The following RBFOX1 variants were observed in gnomAD, a reference collection of about 807,000 sequenced individuals.
RBFOX1 encodes RNA binding protein fox-1 homolog 1.
Under a neutral mutation model 57.7 loss-of-function variants are expected in RBFOX1, and 8 were observed. That is an observed-to-expected ratio of 0.14 (90% CI 0.08 to 0.25). The LOEUF (loss-of-function observed/expected upper bound fraction) is 0.25, where lower values mean the gene tolerates loss of function less well. Among genes scored for constraint, RBFOX1 ranks in the 10% least tolerant of loss-of-function variants. The pLI, the probability that RBFOX1 is intolerant of heterozygous loss-of-function variation, is 1.00. For missense variants in RBFOX1, 611 were observed against 548.5 expected (o/e 1.11, Z -1.14); for synonymous variants, 326 against 222.4 (o/e 1.47, Z -4.15).
intron 1 of RBFOX1, among the ~76,000 whole-genome samples, chr16:6,060,514 A>G (rs2095671548): frequency 6.6e-6 from 1 of 152,096 alleles, no homozygotes; most frequent in South Asian, 2.1e-4. Context: ...TTGACCTTTC[A>G]CAGAGTGTAT....
At chr16:6,781,778 C>T (rs1032471435) in intron 3 of RBFOX1, among the ~76,000 whole-genome samples, 2 of 151,990 alleles carry the variant, frequency 1.3e-5, no homozygotes, top group Admixed American at 1.3e-4. Flanking sequence ...ATTTTCTTAG[C>T]TCTGATTTCA....
At chr16:7,526,991 C>G (rs1361155633) in intron 5 of RBFOX1, among the ~76,000 whole-genome samples, 5 of 152,210 alleles carry the variant, frequency 3.3e-5, no homozygotes, top group African/African-American at 1.2e-4. Context: ...AGGAATTACT[C>G]ATTTCACCCT....
At chr16:5,919,535 G>A (rs889372978) in intron 4 of RBFOX1, among the ~76,000 whole-genome samples, 10 of 152,034 alleles carry the variant, frequency 6.6e-5, no homozygotes, top group African/African-American at 2.4e-4. Flanking sequence ...GTAGAGACGG[G>A]GTTTCCCCAT....
intron 4 of RBFOX1, among the ~76,000 whole-genome samples, chr16:5,902,813 A>G (rs1201088773): frequency 6.6e-6 from 1 of 151,942 alleles, no homozygotes; most frequent in Non-Finnish European, 1.5e-5. Context: ...TGTAGTTGCC[A>G]CTCTTTAAAC....
intron 14 of RBFOX1, among the ~76,000 whole-genome samples, chr16:7,699,064 C>T (rs903123610): frequency 3.9e-5 from 6 of 152,166 alleles, no homozygotes; most frequent in African/African-American, 1.4e-4. Context: ...GTCGCCTTCC[C>T]CTGCCCCTGA....
At chr16:6,382,192 C>T (rs188441214) in intron 2 of RBFOX1, among the ~76,000 whole-genome samples, 1 of 152,316 alleles carries the variant, frequency 6.6e-6, no homozygotes, top group Admixed American at 6.5e-5. Context: ...TTTTCCCCAA[C>T]CATTTAAAAT....
At chr16:5,403,406 A>G (rs1339687469) in intron 1 of RBFOX1, among the ~76,000 whole-genome samples, 1 of 151,392 alleles carries the variant, frequency 6.6e-6, no homozygotes, top group Non-Finnish European at 1.5e-5. Context: ...AACCCTTGCT[A>G]TATGTAATGC....
chr16:6,566,044 A>G (rs1321187661), intron 2 of RBFOX1, among the ~76,000 whole-genome samples: 1 of 152,174 alleles, frequency 6.6e-6, no homozygotes, highest in African/African-American at 2.4e-5. Context: ...GATTACCAGG[A>G]CAGAGAACAA....
chr16:7,012,497 A>G (rs900468752), intron 3 of RBFOX1, among the ~76,000 whole-genome samples: 1 of 152,196 alleles, frequency 6.6e-6, no homozygotes, highest in South Asian at 2.1e-4. Context: ...CCATGTTAAT[A>G]ACTGCCTGGA....
chr16:5,286,994 TA>T (rs1208465853), intron 1 of RBFOX1, among the ~76,000 whole-genome samples: 1 of 152,200 alleles, frequency 6.6e-6, no homozygotes, highest in African/African-American at 2.4e-5. Context: ...GCTGTCAGAA[TA>T]AAATAGGGTT....
chr16:7,688,254 TGTGTGTGA>T (rs1436787070), intron 14 of RBFOX1, among the ~76,000 whole-genome samples: 81 of 115,774 alleles, frequency 7.0e-4, no homozygotes, highest in African/African-American at 1.8e-3. Context: ...TGTGTGTGTG[TGTGTGTGA>T]GAGAGAGAGA....
At chr16:5,915,739 C>T (rs1410557866) in intron 4 of RBFOX1, among the ~76,000 whole-genome samples, 4 of 151,712 alleles carry the variant, frequency 2.6e-5, no homozygotes, top group South Asian at 2.1e-4. Flanking sequence ...GGCTGAGGCG[C>T]GAAAATTGCT....
rs2097383056 is a variant in RBFOX1 at position 6,222,636 on chromosome 16, TTC to T, written c.-126-94358_-126-94357del. On this transcript the variant is annotated intron_variant, in intron 1 of 15. Transcript: ENST00000550418. ...TGGGCCCCTGTTCCAGAGACTGTGA[TTC>T]AGTGATTCAGTAGGTCTTGGGTAGA... Among the ~76,000 whole-genome samples the T allele has an allele frequency of 4.4e-3, 4 of 908 alleles. No individual in the cohort carries two copies. In the Non-Finnish European group the frequency reaches 0.069, roughly 16 times the overall value. 0.6% of individuals were successfully genotyped at this position (908 alleles called of 152,430 possible).
chr16:6,495,241 C>T, intron 2 of RBFOX1, among the ~76,000 whole-genome samples: 1 of 152,174 alleles, frequency 6.6e-6, no homozygotes, highest in East Asian at 1.9e-4. Context: ...GCCGCAGCCT[C>T]CTGAATTGCT....
intron 4 of RBFOX1, among the ~76,000 whole-genome samples, chr16:7,252,099 G>A (rs2094518686): frequency 6.6e-6 from 1 of 152,180 alleles, no homozygotes; most frequent in African/African-American, 2.4e-5. Flanking sequence ...AAATTCAGAA[G>A]GAAGAGAAGG....
chr16:6,211,283 C>T (rs1057411483), intron 1 of RBFOX1, among the ~76,000 whole-genome samples: 3 of 133,188 alleles, frequency 2.3e-5, no homozygotes, highest in African/African-American at 8.5e-5. Context: ...GGCTGGAGGG[C>T]AGTGGCACGA....
At chr16:5,302,793 C>T (rs574685820) in intron 1 of RBFOX1, among the ~76,000 whole-genome samples, 76 of 152,098 alleles carry the variant, frequency 5.0e-4, no homozygotes, top group Non-Finnish European at 2.8e-4. Context: ...GTGTTTCCCG[C>T]CTTTTTTAGT....
intron 1 of RBFOX1, among the ~76,000 whole-genome samples, chr16:5,332,051 A>G (rs1470611502): frequency 6.6e-6 from 1 of 152,214 alleles, no homozygotes; most frequent in Non-Finnish European, 1.5e-5. Context: ...GCCAGCTTTA[A>G]TCATAATGGC....
intron 3 of RBFOX1, among the ~76,000 whole-genome samples, chr16:7,039,784 C>A (rs1227311400): frequency 2.6e-5 from 4 of 152,074 alleles, no homozygotes; most frequent in Non-Finnish European, 5.9e-5. Flanking sequence ...AGATTTCAGG[C>A]CTTTATAAAC....
Sources: allele counts gnomAD v4.1 joint callset (sites outside exome capture counted in the v4.1 genomes callset), GRCh38; gene constraint gnomAD v4.1.1; transcripts MANE v1.5; gene names NCBI Gene and HGNC (gene_info 2026-07-23, HGNC 2026-07-21).